The following ABCC3 variants were observed in gnomAD, a reference collection of about 807,000 sequenced individuals.
ABCC3 encodes the protein ATP-binding cassette sub-family C member 3.
A neutral mutation model predicts 165.3 loss-of-function variants in ABCC3; 121 were observed. That is an observed-to-expected ratio of 0.73 (90% CI 0.63 to 0.85). The LOEUF (loss-of-function observed/expected upper bound fraction) is 0.85. Among genes scored for constraint, ABCC3 ranks in the 40% least tolerant of loss-of-function variants. The pLI is 0.00. For synonymous variants in ABCC3, 733 were observed against 810.1 expected, an observed-to-expected ratio of 0.90 and a Z score of 1.62; for missense variants, 1,869 against 1,964.1, an observed-to-expected ratio of 0.95 and a Z score of 0.92.
At chr17:50,680,500 C>T (rs892874196) in intron 26 of ABCC3, among the ~76,000 whole-genome samples, 3 of 152,150 alleles carry the variant, frequency 2.0e-5, no homozygotes, top group African/African-American at 7.2e-5. Flanking sequence ...CTTTGGCCCA[C>T]GCTCCTATCC....
chr17:50,644,031 G>A (rs1966942815), intron 1 of ABCC3, among the ~76,000 whole-genome samples: 1 of 152,326 alleles, frequency 6.6e-6, no homozygotes, highest in South Asian at 2.1e-4. Flanking sequence ...AGGGAAGGCA[G>A]GCCAGGCACA....
rs1278620731 is a variant in ABCC3, at chr17:50,675,445, G to T, written c.2683G>T (p.Val895Phe). 3 of 1,614,014 alleles carry T rather than the reference G, an allele frequency of 1.9e-6. No individual in the cohort carries two copies. In the Admixed American group the frequency reaches 5.0e-5, roughly 27 times the overall value. Residue 895 changes from valine (V) to phenylalanine (F), a missense_variant, in exon 20 of 31, where the codon GTC (valine) becomes TTC (phenylalanine). Val to Phe is a conservative substitution (Grantham distance 50, BLOSUM62 -1). Coordinates refer to ENST00000285238, the MANE Select transcript of ABCC3 (RefSeq NM_003786.4). ...CACGGATCTGACAGACAATGATCCA[G>T]TCACCTATGTGGTCCAGAAGCAGTT... is the stretch of plus-strand genomic sequence containing the variant. ...NHTDLTDNDPVTYVVQKQFMR... is the reference protein window; with the variant it reads ...NHTDLTDNDPFTYVVQKQFMR...
intron 19 of ABCC3, chr17:50,674,137 G>A (rs1967751723): frequency 6.7e-6 from 1 of 150,116 alleles, no homozygotes. Flanking sequence ...TACAATCTCA[G>A]CTCACTGCAA....
chr17:50,684,932 G>C (rs761111704), intron 29 of ABCC3, 57 bp downstream of exon 29: 9 of 1,580,284 alleles, frequency 5.7e-6, no homozygotes, highest in Admixed American at 3.5e-5. Flanking sequence ...AAACCCTGGC[G>C]GGTGCTGGGA....
intron 29 of ABCC3, among the ~76,000 whole-genome samples, chr17:50,687,024 C>T (rs1284864056): frequency 6.6e-6 from 1 of 152,120 alleles, no homozygotes; most frequent in African/African-American, 2.4e-5. Context: ...CAAAGAGTCC[C>T]CGGGTGTTCC....
Position 50,683,741 on chromosome 17 carries a change from G to A in ABCC3, c.3939G>A (p.Val1313=), listed in dbSNP as rs376269941. The change falls in exon 27 of 31, where the codon GTG becomes GTA. Residue 1313 remains valine (V), a synonymous_variant. Transcript: ENST00000285238. ...DLVLRDLSLH[V]HGGEKVGIVG... is the part of the protein sequence containing the mutation. Reference sequence around the variant, plus strand: ...TGCTGAGAGACCTGAGTCTGCATGTGCACGGTGGCGAGAAGGTACGCGTGG... The same window carrying A: ...TGCTGAGAGACCTGAGTCTGCATGTACACGGTGGCGAGAAGGTACGCGTGG... 9.3e-6 allele frequency: 15 copies of A among 1,606,484 alleles called. No homozygotes were observed. Among genetic ancestry groups the A allele is most frequent in the Middle Eastern group, 1.7e-4 (1 of 6,034 alleles).
At chr17:50,658,650 G>T in intron 6 of ABCC3, 154 bp downstream of exon 6, 1 of 828,458 alleles carries the variant, frequency 1.2e-6, no homozygotes, top group Non-Finnish European at 2.0e-6. Context: ...GTAGGGAAGT[G>T]GTCTGGGAGG....
At chr17:50,673,900 TTTTCTTTCTTTC>T (rs1396264236) in intron 19 of ABCC3, among the ~76,000 whole-genome samples, 7 of 131,624 alleles carry the variant, frequency 5.3e-5, no homozygotes, top group African/African-American at 1.4e-4. Context: ...TCAGAGCCTG[TTTTCTTTCTTTC>T]TTTCTTTCTT....
Position 50,677,954 on chromosome 17 carries a change from G to A in ABCC3, c.3578+11G>A, listed in dbSNP as rs369636685. 2.2e-5 allele frequency: 35 copies of A among 1,614,102 alleles called. No individual in the cohort carries two copies. The Admixed American group carries it at 3.3e-4, about 15-fold the overall frequency. ...CATCATCTCCAACCGGTCAGAAGCC[G>A]CCTCCCTCGCTCCCTGCTCCTCCAG... On this transcript the variant is annotated intron_variant, in intron 24 of 30. Coordinates refer to ENST00000285238, the MANE Select transcript of ABCC3 (RefSeq NM_003786.4).
chr17:50,682,916 T>C (rs1967952699), intron 26 of ABCC3, among the ~76,000 whole-genome samples: 2 of 152,038 alleles, frequency 1.3e-5, no homozygotes, highest in African/African-American at 2.4e-5. Context: ...TCAAGGAATA[T>C]AAGGTGTGGC....
chr17:50,673,323 T>C, intron 18 of ABCC3, 146 bp from the exon 19 acceptor site: 2 of 1,247,240 alleles, frequency 1.6e-6, no homozygotes, highest in Non-Finnish European at 2.2e-6. Flanking sequence ...CTGAGCAGGC[T>C]GTGGCGAGCA....
At chr17:50,688,799 GGGA>G (rs1180576096) in intron 30 of ABCC3, among the ~76,000 whole-genome samples, 1 of 151,766 alleles carries the variant, frequency 6.6e-6, no homozygotes, top group African/African-American at 2.4e-5. Context: ...TCAGCTACTC[GGGA>G]GGCTGACAGA....
At chr17:50,688,109 C>T (rs918225086) in intron 30 of ABCC3, among the ~76,000 whole-genome samples, 7 of 151,968 alleles carry the variant, frequency 4.6e-5, no homozygotes, top group Non-Finnish European at 8.8e-5. Flanking sequence ...ACGGTTTCAC[C>T]ATGTTGGCCA....
chr17:50,687,656 C>T lies in ABCC3; in HGVS notation c.4401C>T (p.Thr1467=). 6.2e-7 allele frequency: 1 copy of T among 1,614,258 alleles called. No homozygotes were observed. The highest frequency in any genetic ancestry group is 8.5e-7 in the Non-Finnish European group (1 of 1,180,046). The part of the protein sequence containing the change: ...DLETDNLIQA[T]IRTQFDTCTV... ...AGACTGACAACCTCATCCAGGCTAC[C>T]ATCCGCACCCAGTTTGATACCTGCA... Residue 1467 remains threonine, a synonymous_variant, in exon 30 of 31, where the codon ACC becomes ACT. Coordinates refer to ENST00000285238, the MANE Select transcript of ABCC3 (RefSeq NM_003786.4).
chr17:50,675,619 C>G lies in ABCC3; in HGVS notation c.2715-12C>G, dbSNP rs781057081. On this transcript the variant is annotated splice_polypyrimidine_tract_variant and intron_variant, in intron 20 of 30. Coordinates refer to ENST00000285238, the MANE Select transcript of ABCC3 (RefSeq NM_003786.4). ...AGGCCCCCTCCCTGGGCCTGACCAGCTGCCTCCACAGACAGCTGAGTGCCC... is the reference window on the plus strand; with the variant it reads ...AGGCCCCCTCCCTGGGCCTGACCAGGTGCCTCCACAGACAGCTGAGTGCCC... 5.8e-6 allele frequency: 9 copies of G among 1,562,496 alleles called. No individual in the cohort carries two copies. In the African/African-American group the frequency reaches 1.2e-4, roughly 21 times the overall value.
chr17:50,658,514 C>T lies in ABCC3; in HGVS notation c.674+18C>T. The T allele has an allele frequency of 1.2e-6, 2 of 1,608,808 alleles. No homozygotes were observed. The highest frequency in any genetic ancestry group is 8.5e-7 in the Non-Finnish European group (1 of 1,175,128). On this transcript the variant is annotated intron_variant, in intron 6 of 30. Coordinates refer to ENST00000285238, the MANE Select transcript of ABCC3 (RefSeq NM_003786.4). Reference sequence around the variant, plus strand: ...TTCACAAAGTGAGTTGGCTCTTCCACCAGCCAGGCCAGAGGGAGGGGAGGG... The same window carrying T: ...TTCACAAAGTGAGTTGGCTCTTCCATCAGCCAGGCCAGAGGGAGGGGAGGG...
chr17:50,669,605 C>A, intron 17 of ABCC3, 77 bp downstream of exon 17: 1 of 1,476,136 alleles, frequency 6.8e-7, no homozygotes, highest in South Asian at 1.2e-5. Flanking sequence ...TCCATATATT[C>A]ATCCCTTCAT....
Position 50,656,804 on chromosome 17 carries a change from C to A in ABCC3, c.325C>A (p.Pro109Thr). The change falls in exon 3 of 31, where the codon CCC becomes ACC. Residue 109 changes from proline to threonine, a missense_variant. Pro to Thr is a conservative substitution (Grantham distance 38). Transcript: ENST00000285238. Reference protein sequence around the residue: ...RAPAPVFFVTPLVVGVTMLLA... With the variant: ...RAPAPVFFVTTLVVGVTMLLA... ...CCCTGCCCCTGTTTTCTTTGTCACC[C>A]CCTTGGTGGTGGGGGTCACCATGGT... 6.2e-7 allele frequency: 1 copy of A among 1,612,550 alleles called. No individual in the cohort carries two copies. Among genetic ancestry groups the A allele is most frequent in the Admixed American group, 1.7e-5 (1 of 59,750 alleles).
Position 50,677,849 on chromosome 17 carries a change from C to T in ABCC3, c.3484C>T (p.Arg1162Trp), listed in dbSNP as rs376718291. ...GACAGTGACTGGTGCCAGTGTCATC[C>T]GGGCCTACAACCGCAGCCGGGATTT... The part of the protein sequence containing the change: ...SETVTGASVI[R>W]AYNRSRDFEI... The change falls in exon 24 of 31, where the codon CGG becomes TGG. Residue 1162 changes from arginine (R) to tryptophan (W), a missense_variant. Physicochemically the swap from Arg to Trp is moderately radical, Grantham distance 101. Transcript: ENST00000285238. The T allele has an allele frequency of 5.0e-6, 8 of 1,614,004 alleles. No individual in the cohort carries two copies. The highest frequency in any genetic ancestry group is 6.8e-6 in the Non-Finnish European group (8 of 1,180,036).
Sources: allele counts gnomAD v4.1 joint callset (sites outside exome capture counted in the v4.1 genomes callset), GRCh38; gene constraint gnomAD v4.1.1; transcripts MANE v1.5; gene names NCBI Gene and HGNC (gene_info 2026-07-23, HGNC 2026-07-21).